The following PTPRQ variants were observed in gnomAD, a reference collection of about 807,000 sequenced individuals.
PTPRQ encodes the protein protein tyrosine phosphatase receptor type Q.
A neutral mutation model predicts 246.0 loss-of-function variants in PTPRQ; 199 were observed. The ratio of observed to expected loss-of-function variants is 0.81; its 90% CI spans 0.72 to 0.91. The LOEUF is 0.91. Ranked by LOEUF, PTPRQ falls within the 40% of genes least tolerant of loss-of-function variation. The pLI is 0.00. For synonymous variants in PTPRQ, 869 were observed against 853.2 expected (o/e 1.02, Z -0.32); for missense variants, 2,624 against 2,528.4 (o/e 1.04, Z -0.81).
rs539127982 is a variant in PTPRQ, at chr12:80,495,951, A to C, written c.1883-48A>C. On this transcript the variant is annotated intron_variant, in intron 12 of 44. Coordinates refer to ENST00000644991, the MANE Select transcript of PTPRQ (RefSeq NM_001145026.2). ...CTTATATTAAATGGCACCAATCCCA[A>C]GAGTATTATTTTAAGGACATTAAAC... The C allele has an allele frequency of 3.3e-6, 5 of 1,525,096 alleles. No homozygotes were observed. The East Asian group carries it at 1.2e-4, about 38-fold the overall frequency. 94.5% of individuals were successfully genotyped at this position (1,525,096 alleles called of 1,614,324 possible). A position where few individuals can be genotyped will look rare whatever the true frequency, so the allele number is the denominator to read the frequency against.
chr12:80,461,341 C>G (rs1298061168), intron 6 of PTPRQ, among the ~76,000 whole-genome samples: 1 of 152,130 alleles, frequency 6.6e-6, no homozygotes, highest in Non-Finnish European at 1.5e-5. Context: ...TATATACCTA[C>G]TTATATCCCA....
chr12:80,458,958 T>G (rs1394557531), intron 4 of PTPRQ, among the ~76,000 whole-genome samples: 1 of 152,164 alleles, frequency 6.6e-6, no homozygotes, highest in Non-Finnish European at 1.5e-5. Flanking sequence ...CTAATGAAAC[T>G]ACATATTCCA....
intron 38 of PTPRQ, among the ~76,000 whole-genome samples, chr12:80,653,688 C>T (rs1198970091): frequency 2.0e-5 from 3 of 152,052 alleles, no homozygotes; most frequent in Non-Finnish European, 2.9e-5. Flanking sequence ...TCTAGAAAGA[C>T]GTAGACCTAG....
At chr12:80,653,631 T>C (rs1489464185) in intron 38 of PTPRQ, among the ~76,000 whole-genome samples, 5 of 152,196 alleles carry the variant, frequency 3.3e-5, no homozygotes, top group African/African-American at 1.2e-4. Context: ...CTTTTTCAAA[T>C]GTATATTGGG....
chr12:80,582,859 A>C (rs1200646634), intron 25 of PTPRQ, among the ~76,000 whole-genome samples: 1 of 151,618 alleles, frequency 6.6e-6, no homozygotes, highest in Non-Finnish European at 1.5e-5. Flanking sequence ...TGTCAAAACA[A>C]AACAAAAACA....
chr12:80,652,300 C>T (rs963461795), intron 37 of PTPRQ, among the ~76,000 whole-genome samples: 1 of 152,068 alleles, frequency 6.6e-6, no homozygotes, highest in African/African-American at 2.4e-5. Context: ...CCTCTGGCAT[C>T]TTCTCAAACT....
intron 26 of PTPRQ, among the ~76,000 whole-genome samples, chr12:80,593,310 A>T (rs1897864064): frequency 6.6e-6 from 1 of 152,186 alleles, no homozygotes; most frequent in Non-Finnish European, 1.5e-5. Context: ...TAAATATTAT[A>T]AAAGTTTCTA....
chr12:80,603,554 A>G (rs1252300206), intron 26 of PTPRQ, among the ~76,000 whole-genome samples: 1 of 151,558 alleles, frequency 6.6e-6, no homozygotes, highest in African/African-American at 2.4e-5. Context: ...TGTACCATGA[A>G]TCCCTTTGGA....
At chr12:80,548,737 G>C (rs1012978742) in intron 24 of PTPRQ, among the ~76,000 whole-genome samples, 1 of 151,974 alleles carries the variant, frequency 6.6e-6, no homozygotes, top group Non-Finnish European at 1.5e-5. Context: ...CACCATTAGG[G>C]GACATTGGCT....
At chr12:80,632,337 A>G (rs750600382) in intron 34 of PTPRQ, 46 bp downstream of exon 34, 1 of 1,549,910 alleles carries the variant, frequency 6.5e-7, no homozygotes, top group Non-Finnish European at 8.7e-7. Flanking sequence ...TATGGGCATT[A>G]TATCAGTCAT....
In PTPRQ at chr12:80,495,075, T is replaced by G; in HGVS notation, c.1683T>G (p.Ser561Arg). 2 of 1,550,540 alleles carry G rather than the reference T, an allele frequency of 1.3e-6. No individual in the cohort carries two copies. Among genetic ancestry groups the G allele is most frequent in the Non-Finnish European group, 1.7e-6 (2 of 1,146,234 alleles). ...IMGEGPPTVL[S>R]VRTRQQVPSS... ...GAGAAGGACCACCAACAGTTCTCAGTGTTAGGACACGTCAGCAAGGTAAGG... is the reference window on the plus strand; with the variant it reads ...GAGAAGGACCACCAACAGTTCTCAGGGTTAGGACACGTCAGCAAGGTAAGG... Residue 561 changes from serine to arginine, a missense_variant, in exon 11 of 45, where the codon AGT (serine) becomes AGG (arginine). Ser to Arg is a moderately radical substitution (Grantham distance 110). Coordinates refer to ENST00000644991, the MANE Select transcript of PTPRQ (RefSeq NM_001145026.2).
chr12:80,669,040 C>T lies in PTPRQ; in HGVS notation c.6226C>T (p.Gln2076Ter). ...YLCPNEFIAT[Q>*]GPLPGTVGDF... ...ATGTCCAAATGAATTTATTGCTACT[C>T]AAGGTCCACTACCAGGAACAGTTGG... The change falls in exon 40 of 45, where the codon CAA becomes TAA. Residue 2076 changes from glutamine (Q) to a stop codon, truncating the protein, a stop_gained. Coordinates refer to ENST00000644991, the MANE Select transcript of PTPRQ (RefSeq NM_001145026.2). LOFTEE classifies it high-confidence loss of function. The T allele has an allele frequency of 1.9e-6, 3 of 1,550,132 alleles. No individual in the cohort carries two copies. Among genetic ancestry groups the T allele is most frequent in the African/African-American group, 1.4e-5 (1 of 73,000 alleles).
chr12:80,503,863 CTT>C (rs1385473861), intron 14 of PTPRQ, among the ~76,000 whole-genome samples: 1 of 151,464 alleles, frequency 6.6e-6, no homozygotes, highest in Non-Finnish European at 1.5e-5. Context: ...GTTTGCTACT[CTT>C]TATTTTTCTG....
At position 80,635,056 on chromosome 12, in the gene PTPRQ, G is replaced by C; in HGVS notation, c.5898G>C (p.Lys1966Asn). The stretch of plus-strand genomic sequence containing the variant: ...TCACAGTGGCAGACCTGGAACTGAA[G>C]GACGAGAGATTAACGCGGTGAGCAC... The part of the protein sequence containing the change: ...QLITVADLEL[K>N]DERLTRLLSY... Residue 1966 changes from lysine (K) to asparagine (N), a missense_variant, in exon 35 of 45, where the codon AAG becomes AAC. Coordinates refer to ENST00000644991, the MANE Select transcript of PTPRQ (RefSeq NM_001145026.2). 2 of 1,551,012 alleles carry C rather than the reference G, an allele frequency of 1.3e-6. No individual in the cohort carries two copies. Among genetic ancestry groups the C allele is most frequent in the Non-Finnish European group, 1.7e-6 (2 of 1,146,660 alleles).
At position 80,652,788 on chromosome 12, in the gene PTPRQ, T is replaced by C; in HGVS notation, c.6069T>C (p.Asp2023=). The change falls in exon 38 of 45, where the codon GAT becomes GAC. Residue 2023 remains aspartate (D), a synonymous_variant. Coordinates refer to ENST00000644991, the MANE Select transcript of PTPRQ (RefSeq NM_001145026.2). ...AGGATCTTTCTTCAACTGATGCTGA[T>C]CTGCCTTGGAATAGAGCAAAAAACC... is the stretch of plus-strand genomic sequence containing the variant. The part of the protein sequence containing the change: ...FLQDLSSTDA[D]LPWNRAKNRF... 3.3e-6 allele frequency: 5 copies of C among 1,514,746 alleles called. No individual in the cohort carries two copies. Among genetic ancestry groups the C allele is most frequent in the South Asian group, 1.3e-5 (1 of 75,082 alleles). 93.8% of individuals were successfully genotyped at this position (1,514,746 alleles called of 1,614,324 possible).
At chr12:80,524,689 C>G (rs548910190) in intron 17 of PTPRQ, among the ~76,000 whole-genome samples, 1 of 152,046 alleles carries the variant, frequency 6.6e-6, no homozygotes, top group Non-Finnish European at 1.5e-5. Context: ...CATTTTGAGA[C>G]AAATGTTTCT....
intron 33 of PTPRQ, among the ~76,000 whole-genome samples, chr12:80,625,660 G>A (rs760870185): frequency 6.6e-6 from 1 of 152,118 alleles, no homozygotes; most frequent in African/African-American, 2.4e-5. Flanking sequence ...GAACTTCACT[G>A]GATGGATAAG....
chr12:80,652,615 A>G (rs374848567), intron 37 of PTPRQ, 129 bp from the exon 38 acceptor site: 6 of 873,204 alleles, frequency 6.9e-6, no homozygotes, highest in Middle Eastern at 3.9e-4. Context: ...CCTTGTTTCC[A>G]CAGTTATGAT....
At position 80,541,563 on chromosome 12, in the gene PTPRQ, G is replaced by A; in HGVS notation, c.3163G>A (p.Gly1055Arg). ...CCCATTACCTATCATAGTACCTGAA[G>A]GGTTTGTTGGAAACCTGACTTACGA... ...EVYTDQDIPE[G>R]FVGNLTYESI... is the part of the protein sequence containing the mutation. The change falls in exon 21 of 45, where the codon GGG becomes AGG. Residue 1055 changes from glycine (G) to arginine (R), a missense_variant. Gly to Arg is a moderately radical substitution (Grantham distance 125). Coordinates refer to ENST00000644991, the MANE Select transcript of PTPRQ (RefSeq NM_001145026.2). The A allele has an allele frequency of 6.6e-7, 1 of 1,517,690 alleles. No individual in the cohort carries two copies. Among genetic ancestry groups the A allele is most frequent in the Non-Finnish European group, 8.8e-7 (1 of 1,130,468 alleles). 94.0% of individuals were successfully genotyped at this position (1,517,690 alleles called of 1,614,324 possible). A position where few individuals can be genotyped will look rare whatever the true frequency, so the allele number is the denominator to read the frequency against.
Sources: gnomAD v4.1 joint callset for allele counts (sites outside exome capture counted in the v4.1 genomes callset) on GRCh38, gnomAD v4.1.1 for gene constraint, MANE v1.5 for transcripts, NCBI Gene and HGNC (gene_info 2026-07-23, HGNC 2026-07-21) for gene names.